Variants in TCEA3 observed in about 807,000 individuals in gnomAD.
TCEA3 encodes transcription elongation factor A3.
TCEA3 carries 36 observed loss-of-function variants against 44.0 expected under a neutral mutation model. The observed-to-expected ratio is 0.82, with a 90% CI of 0.63 to 1.08. The LOEUF is 1.08. Among genes scored for constraint, TCEA3 ranks in the 50% least tolerant of loss-of-function variants. The pLI is 0.00. For missense variants in TCEA3, 392 were observed against 441.2 expected, an observed-to-expected ratio of 0.89 and a Z score of 1.00; for synonymous variants, 162 against 159.7, an observed-to-expected ratio of 1.01 and a Z score of -0.11.
intron 10 of TCEA3, 178 bp downstream of exon 10, chr1:23,384,168 T>C: frequency 7.0e-7 from 1 of 1,435,998 alleles, no homozygotes; most frequent in Non-Finnish European, 9.1e-7. Flanking sequence ...TGCATGTGTG[T>C]TCTCTCCCCA....
At chr1:23,383,496 T>A (rs1638732284) in intron 10 of TCEA3, 1 of 925,520 alleles carries the variant, frequency 1.1e-6, no homozygotes, top group Non-Finnish European at 1.3e-6. Context: ...CCTCACATCA[T>A]CAAACCTGGG....
At chr1:23,406,423 G>C (rs1639546995) in intron 5 of TCEA3, among the ~76,000 whole-genome samples, 1 of 152,082 alleles carries the variant, frequency 6.6e-6, no homozygotes, top group African/African-American at 2.4e-5. Context: ...TGTGGCCCAT[G>C]GACCCTAATC....
chr1:23,384,421 A>G lies in TCEA3; in HGVS notation c.967-4T>C. On this transcript the variant is annotated splice_region_variant and splice_polypyrimidine_tract_variant and intron_variant, in intron 9 of 10. Transcript: ENST00000450454. ...CATCAGCACTGCGTGTCTGCACCTG[A>G]GAGAGAGAAGAACCACTCATGAAGT... is the stretch of plus-strand genomic sequence containing the variant. The G allele has an allele frequency of 6.2e-7, 1 of 1,611,114 alleles. No individual in the cohort carries two copies. The highest frequency in any genetic ancestry group is 1.1e-5 in the South Asian group (1 of 90,330).
chr1:23,387,384 A>G lies in TCEA3; in HGVS notation c.855T>C (p.Asn285=). Residue 285 remains asparagine, a synonymous_variant, in exon 9 of 11, where the codon AAT becomes AAC. Coordinates refer to ENST00000450454, the MANE Select transcript of TCEA3 (RefSeq NM_003196.3). The stretch of plus-strand genomic sequence containing the variant: ...CACGGATGGCCTCCTGGGTCATGGC[A>G]TTCCTCAACTCCCTCAGTTCATCAC... ...MASDELRELR[N]AMTQEAIREH... is the part of the protein sequence containing the mutation. 1 of 1,610,508 alleles carries G rather than the reference A, an allele frequency of 6.2e-7. No individual in the cohort carries two copies. Among genetic ancestry groups the G allele is most frequent in the Non-Finnish European group, 8.5e-7 (1 of 1,178,418 alleles).
chr1:23,409,188 T>C (rs1232107340), intron 4 of TCEA3, among the ~76,000 whole-genome samples: 1 of 151,854 alleles, frequency 6.6e-6, no homozygotes. Flanking sequence ...ACATGGGCCT[T>C]GGGGATAGAA....
chr1:23,392,565 G>T (rs62653744), intron 8 of TCEA3, among the ~76,000 whole-genome samples: 121 of 2,836 alleles, frequency 0.043, 1 homozygote, highest in Admixed American at 0.063. Flanking sequence ...CCACACATCA[G>T]ACACACACAC....
At chr1:23,382,087 C>T (rs138155513) in intron 10 of TCEA3, among the ~76,000 whole-genome samples, 2 of 149,682 alleles carry the variant, frequency 1.3e-5, no homozygotes, top group Middle Eastern at 3.5e-3. Context: ...TCACTTGTCA[C>T]CCAGGCTGGA....
In TCEA3 at chr1:23,384,397, A is replaced by C; in HGVS notation, c.987T>G (p.Asp329Glu). The change falls in exon 10 of 11, where the codon GAT becomes GAG. Residue 329 changes from aspartate (D) to glutamate (E), a missense_variant. By Grantham distance (45) the Asp-to-Glu change is conservative. Coordinates refer to ENST00000450454, the MANE Select transcript of TCEA3 (RefSeq NM_003196.3). ...ATAAGACAAAGGTAGTCATGGGCTC[A>C]TCAGCACTGCGTGTCTGCACCTGAG... ...TYNQVQTRSA[D>E]EPMTTFVLCN... The C allele has an allele frequency of 6.2e-7, 1 of 1,613,610 alleles. No individual in the cohort carries two copies. Among genetic ancestry groups the C allele is most frequent in the Non-Finnish European group, 8.5e-7 (1 of 1,179,706 alleles).
chr1:23,384,377 A>G lies in TCEA3; in HGVS notation c.1007T>C (p.Val336Ala), dbSNP rs531510266. Residue 336 changes from valine to alanine, a missense_variant, in exon 10 of 11, where the codon GTC becomes GCC. Transcript: ENST00000450454. ...GCGATTGCCACATTCATTGCATAAG[A>G]CAAAGGTAGTCATGGGCTCATCAGC... ...RSADEPMTTFVLCNECGNRWK... is the reference protein window; with the variant it reads ...RSADEPMTTFALCNECGNRWK... The G allele has an allele frequency of 6.2e-7, 1 of 1,613,962 alleles. No individual in the cohort carries two copies. Among genetic ancestry groups the G allele is most frequent in the East Asian group, 2.2e-5 (1 of 44,884 alleles).
intron 7 of TCEA3, among the ~76,000 whole-genome samples, chr1:23,395,057 G>A (rs1429361818): frequency 1.3e-5 from 2 of 152,254 alleles, no homozygotes; most frequent in African/African-American, 4.8e-5. Flanking sequence ...TGCGGAGAAT[G>A]TGGAAAAATG....
At chr1:23,383,982 C>T (rs2298632) in intron 10 of TCEA3, 515,285 of 1,087,738 alleles carry the variant, frequency 0.47, 127,122 homozygotes, top group East Asian at 0.63. Flanking sequence ...AAGGAAATAC[C>T]ATCTGTGGAA....
intron 10 of TCEA3, chr1:23,383,298 A>AG (rs1638726623): frequency 2.4e-6 from 1 of 408,322 alleles, no homozygotes; most frequent in African/African-American, 2.3e-5. Flanking sequence ...AAAAAAAAAA[A>AG]GTAAAAGAAT....
intron 5 of TCEA3, among the ~76,000 whole-genome samples, chr1:23,400,725 G>C (rs1219765533): frequency 6.6e-6 from 1 of 152,124 alleles, no homozygotes; most frequent in South Asian, 2.1e-4. Flanking sequence ...TCCCCTCCTG[G>C]AGTGAAATTA....
At chr1:23,392,388 A>ACACACTCCACACATCATAC (rs1639060106) in intron 8 of TCEA3, among the ~76,000 whole-genome samples, 1 of 6,014 alleles carries the variant, frequency 1.7e-4, no homozygotes, top group African/African-American at 7.4e-4. Flanking sequence ...CATCATACAC[A>ACACACTCCACACATCATAC]AAACACACTC....
At chr1:23,413,196 G>A (rs912927341) in intron 4 of TCEA3, among the ~76,000 whole-genome samples, 11 of 152,012 alleles carry the variant, frequency 7.2e-5, no homozygotes, top group African/African-American at 2.7e-4. Context: ...GAGTGCAGTA[G>A]TGCGATCTCG....
At chr1:23,405,294 A>C (rs77121970) in intron 5 of TCEA3, among the ~76,000 whole-genome samples, 1 of 152,192 alleles carries the variant, frequency 6.6e-6, no homozygotes, top group Non-Finnish European at 1.5e-5. Flanking sequence ...TCTGGGTAGG[A>C]GACAAATTAA....
chr1:23,390,330 A>T (rs574951340), intron 8 of TCEA3, among the ~76,000 whole-genome samples: 1 of 152,246 alleles, frequency 6.6e-6, no homozygotes, highest in South Asian at 2.1e-4. Context: ...TTAGCCAGGC[A>T]TGGTTACATG....
chr1:23,381,254 CA>C lies in TCEA3; in HGVS notation c.*211del. 1.7e-6 allele frequency: 1 copy of C among 586,560 alleles called. No individual in the cohort carries two copies. Among genetic ancestry groups the C allele is most frequent in the Non-Finnish European group, 3.1e-6 (1 of 324,432 alleles). The allele number at this position is 586,560 out of a possible 1,614,324, so 36.3% of individuals were successfully genotyped here. On this transcript the variant is annotated 3_prime_UTR_variant, in exon 11 of 11. Transcript: ENST00000450454. ...AAAGAGGTTCATCAATACAAATTCT[CA>C]GCATCATTCTCCAATTAGGCTCCCC... is the stretch of plus-strand genomic sequence containing the variant.
chr1:23,405,065 T>C (rs1639504217), intron 5 of TCEA3, among the ~76,000 whole-genome samples: 1 of 152,024 alleles, frequency 6.6e-6, no homozygotes, highest in African/African-American at 2.4e-5. Flanking sequence ...AAAGCAACAA[T>C]CAGCTGCAGT....
Sources: allele counts gnomAD v4.1 joint callset (sites outside exome capture counted in the v4.1 genomes callset), GRCh38; gene constraint gnomAD v4.1.1; transcripts MANE v1.5; gene names NCBI Gene and HGNC (gene_info 2026-07-23, HGNC 2026-07-21).